Variants in SLC28A3 observed in about 807,000 individuals in gnomAD.
SLC28A3 encodes concentrative Na(+)-nucleoside cotransporter 3.
In SLC28A3, 68 loss-of-function variants were observed where a neutral mutation model predicts 84.2. The observed-to-expected ratio is 0.81, with a 90% confidence interval of 0.66 to 0.99. SLC28A3 has a LOEUF of 0.99. Among genes scored for constraint, SLC28A3 ranks in the 50% least tolerant of loss-of-function variants. The pLI is 0.00. For synonymous variants in SLC28A3, 267 were observed against 303.6 expected (o/e 0.88, Z 1.25); for missense variants, 712 against 841.5 (o/e 0.85, Z 1.90).
In SLC28A3 at chr9:84,294,899, G is replaced by T. The variant is rs569468267; in HGVS notation, c.862-624C>A. Among the ~76,000 whole-genome samples, 6 of 140,084 alleles carry T rather than the reference G, an allele frequency of 4.3e-5. No individual in the cohort carries two copies. The East Asian group carries it at 1.4e-3, about 32-fold the overall frequency. The allele number at this position is 140,084 out of a possible 152,430, so 91.9% of individuals were successfully genotyped here. On this transcript the variant is annotated intron_variant, in intron 8 of 17. Transcript: ENST00000376238. Reference sequence around the variant, plus strand: ...CCTTGGCCCATTCCGTGGAAAGCAGGCCATATGGGGGATCCAGGCCCTTTG... The same window carrying T: ...CCTTGGCCCATTCCGTGGAAAGCAGTCCATATGGGGGATCCAGGCCCTTTG...
At chr9:84,313,498 A>G in intron 1 of SLC28A3, 44 bp from the exon 2 acceptor site, 1 of 1,511,702 alleles carries the variant, frequency 6.6e-7, no homozygotes, top group East Asian at 2.3e-5. Flanking sequence ...GTTACAGCCA[A>G]AAGACAGATG....
chr9:84,353,996 G>T, the SLC28A3 span, among the ~76,000 whole-genome samples: 1 of 152,152 alleles, frequency 6.6e-6, no homozygotes, highest in African/African-American at 2.4e-5. Flanking sequence ...TCTTATGATA[G>T]CTGTACATAC....
chr9:84,313,108 G>T (rs1356383073), intron 2 of SLC28A3, among the ~76,000 whole-genome samples: 1 of 152,214 alleles, frequency 6.6e-6, no homozygotes, highest in Admixed American at 6.5e-5. Flanking sequence ...TTGAGATGGA[G>T]CTTGGAACTC....
chr9:84,365,030 T>G, the SLC28A3 span, among the ~76,000 whole-genome samples: 1 of 152,238 alleles, frequency 6.6e-6, no homozygotes, highest in African/African-American at 2.4e-5. Context: ...CTTTTGGGTA[T>G]ATACCCAGCA....
At chr9:84,343,636 A>G (rs1381983388), upstream of SLC28A3, among the ~76,000 whole-genome samples, 1 of 152,220 alleles carries the variant, frequency 6.6e-6, no homozygotes, top group Admixed American at 6.5e-5. Context: ...ATTAAAAGGA[A>G]GAATATTTCC....
the SLC28A3 span, among the ~76,000 whole-genome samples, chr9:84,352,829 G>A: frequency 3.9e-4 from 58 of 148,040 alleles, no homozygotes; most frequent in African/African-American, 1.4e-3. Flanking sequence ...GGAAGTGGAG[G>A]TTGCAGTGAG....
intron 3 of SLC28A3, among the ~76,000 whole-genome samples, chr9:84,309,301 T>A (rs908369828): frequency 8.6e-5 from 13 of 151,866 alleles, no homozygotes; most frequent in Admixed American, 3.3e-4. Context: ...GGTGGGTGGA[T>A]CATTTGAGGT....
At chr9:84,344,053 G>C (rs1227215566), upstream of SLC28A3, among the ~76,000 whole-genome samples, 2 of 152,104 alleles carry the variant, frequency 1.3e-5, no homozygotes, top group African/African-American at 2.4e-5. Context: ...CTGTATCTCA[G>C]ATTCTTCCTT....
At chr9:84,279,895 T>C (rs1036673383) in intron 16 of SLC28A3, 80 bp downstream of exon 16, 5 of 1,366,440 alleles carry the variant, frequency 3.7e-6, no homozygotes, top group African/African-American at 2.9e-5. Flanking sequence ...GTGCTGCACA[T>C]GCAAGCTGGA....
At chr9:84,291,140 A>C (rs1359081504) in intron 10 of SLC28A3, among the ~76,000 whole-genome samples, 1 of 152,124 alleles carries the variant, frequency 6.6e-6, no homozygotes, top group African/African-American at 2.4e-5. Flanking sequence ...GAATGTGTGG[A>C]GCCTCGATTT....
chr9:84,311,339 A>G (rs181777735), intron 2 of SLC28A3, among the ~76,000 whole-genome samples: 1 of 152,188 alleles, frequency 6.6e-6, no homozygotes, highest in East Asian at 1.9e-4. Context: ...AACTATAGAG[A>G]TTTTTCATGT....
intron 3 of SLC28A3, among the ~76,000 whole-genome samples, chr9:84,307,465 A>C (rs562922246): frequency 6.6e-6 from 1 of 152,130 alleles, no homozygotes; most frequent in South Asian, 2.1e-4. Flanking sequence ...AAACAAAAAG[A>C]AAGAATAAAA....
At chr9:84,334,179 T>A (rs756771201) in intron 1 of SLC28A3, among the ~76,000 whole-genome samples, 11 of 152,124 alleles carry the variant, frequency 7.2e-5, no homozygotes, top group Non-Finnish European at 1.3e-4. Context: ...CATGCCTGTA[T>A]TCCCAGCTAC....
intron 1 of SLC28A3, among the ~76,000 whole-genome samples, chr9:84,319,410 A>C (rs140011788): frequency 8.0e-4 from 122 of 152,290 alleles, no homozygotes; most frequent in Middle Eastern, 3.4e-3. Flanking sequence ...CACACCTGTA[A>C]TCCCAGCACT....
chr9:84,310,830 A>G (rs77217078), intron 2 of SLC28A3, among the ~76,000 whole-genome samples: 2 of 152,268 alleles, frequency 1.3e-5, no homozygotes, highest in Non-Finnish European at 2.9e-5. Flanking sequence ...TTTCTATCTA[A>G]TTCCCAGCTT....
intron 10 of SLC28A3, 182 bp downstream of exon 10, chr9:84,292,486 T>TCTCC (rs1269086872): frequency 1.9e-6 from 1 of 534,550 alleles, no homozygotes; most frequent in East Asian, 3.2e-5. Context: ...TCTCTCTCTC[T>TCTCC]CTCTCTCTCT....
At chr9:84,323,918 A>C (rs1202405883) in intron 1 of SLC28A3, among the ~76,000 whole-genome samples, 1 of 152,056 alleles carries the variant, frequency 6.6e-6, no homozygotes, top group Admixed American at 6.5e-5. Context: ...TAGGCCTTGT[A>C]CAGTACAGTC....
intron 1 of SLC28A3, among the ~76,000 whole-genome samples, chr9:84,335,724 T>A (rs1344644664): frequency 6.6e-6 from 1 of 151,860 alleles, no homozygotes; most frequent in Non-Finnish European, 1.5e-5. Flanking sequence ...TGTGTGTGTG[T>A]GTGTGTGTGT....
chr9:84,342,149 A>AG (rs1827175859), upstream of SLC28A3, among the ~76,000 whole-genome samples: 1 of 147,742 alleles, frequency 6.8e-6, no homozygotes, highest in African/African-American at 2.6e-5. Context: ...AAAAAAGAAA[A>AG]GAAAAAGAAA....
Sources: gnomAD v4.1 joint callset for allele counts (sites outside exome capture counted in the v4.1 genomes callset) on GRCh38, gnomAD v4.1.1 for gene constraint, MANE v1.5 for transcripts, NCBI Gene and HGNC (gene_info 2026-07-23, HGNC 2026-07-21) for gene names.